Variants in ANO10 observed in about 807,000 individuals in gnomAD.
The protein encoded by ANO10 is anoctamin-10.
A neutral mutation model predicts 74.7 loss-of-function variants in ANO10; 77 were observed. That is an observed-to-expected ratio of 1.03 (90% CI 0.86 to 1.25). The LOEUF (loss-of-function observed/expected upper bound fraction) is 1.25. ANO10 is among the 50% of genes most tolerant of loss of function. The pLI, the probability that ANO10 is intolerant of heterozygous loss-of-function variation, is 0.00. For synonymous variants in ANO10, 279 were observed against 284.9 expected, an observed-to-expected ratio of 0.98 and a Z score of 0.21; for missense variants, 721 against 778.1, an observed-to-expected ratio of 0.93 and a Z score of 0.87.
chr3:43,545,371 T>A (rs2079139140), intron 11 of ANO10, among the ~76,000 whole-genome samples: 1 of 151,782 alleles, frequency 6.6e-6, no homozygotes, highest in African/African-American at 2.4e-5. Context: ...TTTTTTTTTG[T>A]TTGTTTGTTT....
intron 12 of ANO10, among the ~76,000 whole-genome samples, chr3:43,423,944 G>A (rs2092858844): frequency 6.6e-6 from 1 of 152,158 alleles, no homozygotes; most frequent in East Asian, 1.9e-4. Flanking sequence ...GTAGAATTCT[G>A]ACTCTCCAGG....
chr3:43,647,802 A>G (rs951843516), intron 1 of ANO10, among the ~76,000 whole-genome samples: 2 of 152,220 alleles, frequency 1.3e-5, no homozygotes, highest in African/African-American at 4.8e-5. Context: ...TGTGACATAG[A>G]TAGACTAAAC....
chr3:43,409,850 AG>A (rs1357692550), intron 12 of ANO10, among the ~76,000 whole-genome samples: 3 of 152,204 alleles, frequency 2.0e-5, no homozygotes, highest in Non-Finnish European at 4.4e-5. Context: ...ATCAAAGCTA[AG>A]GGTCTACGCA....
chr3:43,615,178 A>G (rs1383377375), intron 1 of ANO10, among the ~76,000 whole-genome samples: 3 of 152,150 alleles, frequency 2.0e-5, no homozygotes, highest in Non-Finnish European at 2.9e-5. Context: ...TTTTATGTGA[A>G]TTAATCCTCA....
chr3:43,629,836 A>G (rs541253432), intron 1 of ANO10, among the ~76,000 whole-genome samples: 1 of 152,222 alleles, frequency 6.6e-6, no homozygotes, highest in East Asian at 1.9e-4. Flanking sequence ...GAGTCAGTAA[A>G]TAGGCCTCTG....
chr3:43,403,472 A>C (rs1465753694), intron 12 of ANO10, among the ~76,000 whole-genome samples: 1 of 152,208 alleles, frequency 6.6e-6, no homozygotes, highest in East Asian at 1.9e-4. Flanking sequence ...TGGGTCCAAC[A>C]GCAAGAGCTC....
rs577094742 is a variant in ANO10, at chr3:43,486,363, T to C, written c.1798-53636A>G. Among the ~76,000 whole-genome samples, 168 of 152,138 alleles carry C rather than the reference T, an allele frequency of 1.1e-3. 2 individuals carry two copies. Among genetic ancestry groups the C allele is most frequent in the Non-Finnish European group, 2.0e-3 (136 of 67,988 alleles). ...GTGAAGAAAGGCATTGGTAGCTTGA[T>C]GGGGATGGCATTGAATCTGTAAATT... On this transcript the variant is annotated intron_variant, in intron 11 of 12. Coordinates refer to ENST00000292246, the MANE Select transcript of ANO10 (RefSeq NM_018075.5).
At chr3:43,589,204 G>A (rs1413553385) in intron 4 of ANO10, among the ~76,000 whole-genome samples, 1 of 146,278 alleles carries the variant, frequency 6.8e-6, no homozygotes, top group African/African-American at 2.5e-5. Flanking sequence ...TATTTATAAT[G>A]TCAGGGGTTA....
At chr3:43,646,014 C>G (rs1304968967) in intron 1 of ANO10, among the ~76,000 whole-genome samples, 1 of 152,036 alleles carries the variant, frequency 6.6e-6, no homozygotes, top group Non-Finnish European at 1.5e-5. Flanking sequence ...TGCCATGTTG[C>G]CCAGGCTGGT....
chr3:43,397,645 G>T (rs574895607), intron 12 of ANO10, among the ~76,000 whole-genome samples: 1 of 152,262 alleles, frequency 6.6e-6, no homozygotes, highest in Non-Finnish European at 1.5e-5. Context: ...TGTTCCCTCT[G>T]AGCCTCAGAG....
intron 1 of ANO10, among the ~76,000 whole-genome samples, chr3:43,686,278 T>A (rs911779112): frequency 6.6e-6 from 1 of 152,128 alleles, no homozygotes; most frequent in African/African-American, 2.4e-5. Context: ...AATTGTTTAG[T>A]CTAAAACTTT....
At chr3:43,479,757 G>A (rs2076197880) in intron 11 of ANO10, among the ~76,000 whole-genome samples, 1 of 152,152 alleles carries the variant, frequency 6.6e-6, no homozygotes. Context: ...CACAGTGCCT[G>A]GGCCTTGGAG....
intron 11 of ANO10, among the ~76,000 whole-genome samples, chr3:43,457,450 G>A (rs995366221): frequency 6.6e-5 from 10 of 152,172 alleles, no homozygotes; most frequent in Non-Finnish European, 4.4e-5. Context: ...GAAGGCAGCA[G>A]GAGAGAGAAG....
intron 12 of ANO10, among the ~76,000 whole-genome samples, chr3:43,379,065 T>C (rs889833188): frequency 2.0e-5 from 3 of 152,182 alleles, no homozygotes; most frequent in African/African-American, 2.4e-5. Flanking sequence ...GAAAACATCA[T>C]TGAACATTCC....
chr3:43,393,273 G>T (rs1267715921), intron 12 of ANO10, among the ~76,000 whole-genome samples: 1 of 152,186 alleles, frequency 6.6e-6, no homozygotes, highest in Non-Finnish European at 1.5e-5. Context: ...GAAGTGCACA[G>T]CCATTCACCC....
intron 11 of ANO10, among the ~76,000 whole-genome samples, chr3:43,469,037 G>A (rs1474985986): frequency 3.6e-5 from 3 of 83,314 alleles, no homozygotes; most frequent in African/African-American, 1.1e-4. Context: ...TCAATTAGCT[G>A]CTTTTTTTTT....
At chr3:43,590,037 T>C (rs2081654617) in intron 4 of ANO10, among the ~76,000 whole-genome samples, 1 of 152,222 alleles carries the variant, frequency 6.6e-6, no homozygotes, top group Admixed American at 6.5e-5. Context: ...TATCATTGTC[T>C]AAATTTTTGT....
chr3:43,514,658 A>G (rs1286364347), intron 11 of ANO10, among the ~76,000 whole-genome samples: 1 of 152,230 alleles, frequency 6.6e-6, no homozygotes, highest in Non-Finnish European at 1.5e-5. Context: ...ATTCTACCCA[A>G]CAATACCAGA....
intron 12 of ANO10, among the ~76,000 whole-genome samples, chr3:43,419,676 TG>T (rs2092791950): frequency 6.6e-6 from 1 of 152,004 alleles, no homozygotes; most frequent in Non-Finnish European, 1.5e-5. Flanking sequence ...CCACCATGGC[TG>T]GCTAATTCTT....
Sources: allele counts gnomAD v4.1 joint callset (sites outside exome capture counted in the v4.1 genomes callset), GRCh38; gene constraint gnomAD v4.1.1; transcripts MANE v1.5; gene names NCBI Gene and HGNC (gene_info 2026-07-23, HGNC 2026-07-21).